Variants in PIK3CD observed in about 807,000 individuals in gnomAD.
PIK3CD encodes the protein phosphatidylinositol 4,5-bisphosphate 3-kinase catalytic subunit delta isoform.
Under a neutral mutation model 122.9 loss-of-function variants are expected in PIK3CD, and 20 were observed. The ratio of observed to expected loss-of-function variants is 0.16; its 90% CI spans 0.11 to 0.24. The LOEUF (loss-of-function observed/expected upper bound fraction) is 0.24. Ranked by LOEUF, PIK3CD falls within the 10% of genes least tolerant of loss-of-function variation. The pLI is 1.00. For synonymous variants in PIK3CD, 596 were observed against 593.4 expected (o/e 1.00, Z -0.06); for missense variants, 787 against 1,406.3 (o/e 0.56, Z 7.04).
At chr1:9,690,720 T>A (rs1646168014) in intron 1 of PIK3CD, among the ~76,000 whole-genome samples, 1 of 152,152 alleles carries the variant, frequency 6.6e-6, no homozygotes, top group African/African-American at 2.4e-5. Flanking sequence ...TTCCAGCGGG[T>A]TCCTAGGGCT....
At chr1:9,644,558 T>TAAATAA in the PIK3CD span, among the ~76,000 whole-genome samples, 2 of 140,360 alleles carry the variant, frequency 1.4e-5, no homozygotes, top group African/African-American at 2.7e-5. Flanking sequence ...TAAATAAATA[T>TAAATAA]GTAACCTTCA....
At chr1:9,638,136 G>A in the PIK3CD span, among the ~76,000 whole-genome samples, 2 of 149,226 alleles carry the variant, frequency 1.3e-5, no homozygotes, top group East Asian at 2.0e-4. Flanking sequence ...ATAAATAAAT[G>A]AAAAAATAAA....
chr1:9,637,532 C>G, the PIK3CD span, among the ~76,000 whole-genome samples: 1 of 151,964 alleles, frequency 6.6e-6, no homozygotes, highest in Non-Finnish European at 1.5e-5. Context: ...TAAGTAAATA[C>G]ACAACAGCCA....
intron 6 of PIK3CD, 48 bp from the exon 7 acceptor site, chr1:9,716,911 A>AGT: frequency 1.2e-6 from 2 of 1,612,308 alleles, no homozygotes; most frequent in Non-Finnish European, 1.7e-6. Context: ...GTGTCCAGGG[A>AGT]GTGGTTGGGG....
intron 2 of PIK3CD, among the ~76,000 whole-genome samples, chr1:9,701,436 C>T (rs1356389082): frequency 6.6e-6 from 1 of 152,114 alleles, no homozygotes; most frequent in African/African-American, 2.4e-5. Context: ...CTTTGGGAGG[C>T]CGAGGCAGGC....
rs1646583049 is a variant in PIK3CD, at chr1:9,700,431, C to G, written c.-33+8860C>G. On this transcript the variant is annotated intron_variant, in intron 2 of 23. Coordinates refer to ENST00000377346, the MANE Select transcript of PIK3CD (RefSeq NM_005026.5). The surrounding 1 kb of genome is among the most constrained non-coding windows in gnomAD (Gnocchi z 5.1). ...GCTTTGCACAGCTGTTTCTGTGGAT[C>G]ATGCTGGCCAGGAGGTGGGAAGGTG... 6.6e-6 allele frequency among the ~76,000 whole-genome samples: 1 copy of G among 152,188 alleles called. No homozygotes were observed. Among genetic ancestry groups the G allele is most frequent in the Admixed American group, 6.6e-5 (1 of 15,264 alleles).
At position 9,676,004 on chromosome 1, in the gene PIK3CD, C is replaced by G. The variant is rs1645523106; in HGVS notation, c.-137-15463C>G. On this transcript the variant is annotated intron_variant, in intron 1 of 23. Coordinates refer to ENST00000377346, the MANE Select transcript of PIK3CD (RefSeq NM_005026.5). ...TGGAGTGCAATGGCACAGTCTCGGC[C>G]CACTGCAACCTCTACCTCCCGGGTT... 1.3e-5 allele frequency among the ~76,000 whole-genome samples: 2 copies of G among 151,046 alleles called. 1 individual carries two copies. The highest frequency in any genetic ancestry group is 4.9e-5 in the African/African-American group (2 of 40,984).
At chr1:9,690,866 G>A (rs528296015) in intron 1 of PIK3CD, among the ~76,000 whole-genome samples, 2 of 152,290 alleles carry the variant, frequency 1.3e-5, no homozygotes, top group East Asian at 3.9e-4. Flanking sequence ...GAAGGGGTTG[G>A]GTCTTTAGAC....
chr1:9,721,090 C>T (rs1456109850), intron 13 of PIK3CD, 37 bp from the exon 14 acceptor site: 1 of 1,579,070 alleles, frequency 6.3e-7, no homozygotes, highest in Non-Finnish European at 8.6e-7. Context: ...CCACCCTGAC[C>T]CCGGCCGCCC....
rs964168412 is a variant in PIK3CD at position 9,723,446 on chromosome 1, G to A, written c.2594+154G>A. Among the ~76,000 whole-genome samples, 1 of 152,196 alleles carries A rather than the reference G, an allele frequency of 6.6e-6. No homozygotes were observed. Among genetic ancestry groups the A allele is most frequent in the Non-Finnish European group, 1.5e-5 (1 of 68,038 alleles). ...AGGACCAGCCTGTGTCTGGGTTGGGGTGAGGTAGGTCTCTCTTCCCCAAGT... is the reference window on the plus strand; with the variant it reads ...AGGACCAGCCTGTGTCTGGGTTGGGATGAGGTAGGTCTCTCTTCCCCAAGT... On this transcript the variant is annotated intron_variant, in intron 20 of 23. Coordinates refer to ENST00000377346, the MANE Select transcript of PIK3CD (RefSeq NM_005026.5). The surrounding 1 kb of genome is among the most constrained non-coding windows in gnomAD (Gnocchi z 4.9).
intron 1 of PIK3CD, among the ~76,000 whole-genome samples, chr1:9,679,063 CTTTTTTT>C (rs148088382): frequency 1.7e-5 from 2 of 116,572 alleles, no homozygotes; most frequent in African/African-American, 3.4e-5. Flanking sequence ...TCAGGAGAAA[CTTTTTTT>C]TTTTTTTTTT....
Position 9,718,977 on chromosome 1 carries a change from G to A in PIK3CD, c.1242+62G>A. 6.7e-7 allele frequency: 1 copy of A among 1,485,142 alleles called. No individual in the cohort carries two copies. The highest frequency in any genetic ancestry group is 9.3e-7 in the Non-Finnish European group (1 of 1,076,226). The allele number at this position is 1,485,142 out of a possible 1,614,324, so 92.0% of individuals were successfully genotyped here. On this transcript the variant is annotated intron_variant, in intron 9 of 23. Coordinates refer to ENST00000377346, the MANE Select transcript of PIK3CD (RefSeq NM_005026.5). The surrounding 1 kb of genome is among the most constrained non-coding windows in gnomAD (Gnocchi z 7.2). ...CGGAGAGCCAGTACAGCCCCTTGCT[G>A]GGCCACTCACCACTCTCCTCCCGGC... is the stretch of plus-strand genomic sequence containing the variant.
At chr1:9,646,909 C>T (rs1430852816), upstream of PIK3CD, among the ~76,000 whole-genome samples, 1 of 149,610 alleles carries the variant, frequency 6.7e-6, no homozygotes, top group Non-Finnish European at 1.5e-5. Flanking sequence ...GAACCAAGAT[C>T]GCACCACTGC....
intron 1 of PIK3CD, among the ~76,000 whole-genome samples, chr1:9,690,504 C>T (rs998412690): frequency 4.6e-5 from 7 of 152,174 alleles, no homozygotes; most frequent in Admixed American, 6.5e-5. Flanking sequence ...TCTTCCTTAG[C>T]CTTTGGTGCT....
At chr1:9,690,616 CAGCAGGGTCCCCGG>C (rs1646165102) in intron 1 of PIK3CD, among the ~76,000 whole-genome samples, 1 of 152,198 alleles carries the variant, frequency 6.6e-6, no homozygotes, top group Non-Finnish European at 1.5e-5. Context: ...TGGGCTCCCG[CAGCAGGGTCCCCGG>C]AGCATCTTTG....
rs777792069 is a variant in PIK3CD at position 9,719,883 on chromosome 1, CCT to C, written c.1243-37_1243-36del. On this transcript the variant is annotated intron_variant, in intron 9 of 23. Coordinates refer to ENST00000377346, the MANE Select transcript of PIK3CD (RefSeq NM_005026.5). The surrounding 1 kb of genome is among the most constrained non-coding windows in gnomAD (Gnocchi z 5.5). ...GGCAGGGAAGCTGGGTCTGGAGGCC[CCT>C]GAGTGGCTGTCCTCACCTGCCCTGT... 15 of 1,562,026 alleles carry C rather than the reference CCT, an allele frequency of 9.6e-6. No individual in the cohort carries two copies. The highest frequency in any genetic ancestry group is 1.3e-5 in the Non-Finnish European group (15 of 1,133,358).
intron 1 of PIK3CD, chr1:9,660,812 G>C (rs1321134719): frequency 6.6e-6 from 1 of 151,934 alleles, no homozygotes; most frequent in Non-Finnish European, 1.5e-5. Context: ...AGGAACATTT[G>C]TATATAAAAT....
intron 1 of PIK3CD, among the ~76,000 whole-genome samples, chr1:9,676,514 G>T (rs1645545019): frequency 6.6e-6 from 1 of 152,242 alleles, no homozygotes; most frequent in African/African-American, 2.4e-5. Context: ...AATGCCAGGG[G>T]CAAGCAAGGC....
intron 1 of PIK3CD, among the ~76,000 whole-genome samples, chr1:9,665,920 ATTTTTG>A (rs991369372): frequency 7.9e-5 from 12 of 151,270 alleles, no homozygotes; most frequent in South Asian, 2.1e-4. Context: ...TGCCCAGCTA[ATTTTTG>A]TTTTTGTTTT....
Sources: gnomAD v4.1 joint callset for allele counts (sites outside exome capture counted in the v4.1 genomes callset) on GRCh38, gnomAD v4.1.1 for gene constraint, Gnocchi (gnomAD v3.1) non-coding constraint, MANE v1.5 for transcripts, NCBI Gene and HGNC (gene_info 2026-07-23, HGNC 2026-07-21) for gene names.